The following CHLSN variants were observed in gnomAD, a reference collection of about 807,000 sequenced individuals.
The protein encoded by CHLSN is cholesin.
At chr7:1,067,121 C>A in the CHLSN span, among the ~76,000 whole-genome samples, 1 of 136,208 alleles carries the variant, frequency 7.3e-6, no homozygotes, top group Non-Finnish European at 1.6e-5. Context: ...CAGGAGTACA[C>A]CCCAGAGGTG....
the CHLSN span, among the ~76,000 whole-genome samples, chr7:1,099,105 G>A: frequency 1.9e-3 from 265 of 138,296 alleles, 1 homozygote; most frequent in African/African-American, 6.8e-3. Context: ...CTCCCCTTCC[G>A]GAGCCTCGCT....
the CHLSN span, among the ~76,000 whole-genome samples, chr7:1,131,533 T>G: frequency 6.6e-6 from 1 of 152,248 alleles, no homozygotes; most frequent in East Asian, 1.9e-4. Context: ...CCAAGCCCCT[T>G]ATTCTTTAAT....
At chr7:1,048,196 GAC>G in the CHLSN span, among the ~76,000 whole-genome samples, 1 of 152,188 alleles carries the variant, frequency 6.6e-6, no homozygotes, top group African/African-American at 2.4e-5. Flanking sequence ...ATCCGCAAAA[GAC>G]AGTGTGAAAG....
At chr7:998,457 C>CTT in the CHLSN span, among the ~76,000 whole-genome samples, 4,609 of 94,932 alleles carry the variant, frequency 0.049, 206 homozygotes, top group African/African-American at 0.054. Context: ...GTCTTAGATT[C>CTT]TTTTTTTTTT....
the CHLSN span, among the ~76,000 whole-genome samples, chr7:1,031,178 C>T: frequency 3.3e-5 from 5 of 152,208 alleles, no homozygotes; most frequent in South Asian, 2.1e-4. Context: ...CACGGGATGC[C>T]GTTCCACACG....
At chr7:995,580 T>A in the CHLSN span, among the ~76,000 whole-genome samples, 1 of 152,216 alleles carries the variant, frequency 6.6e-6, no homozygotes, top group Non-Finnish European at 1.5e-5. Context: ...GCTGTTTGTT[T>A]AAGGTGCCTC....
At chr7:1,028,499 G>C in the CHLSN span, 1 of 985,558 alleles carries the variant, frequency 1.0e-6, no homozygotes, top group South Asian at 4.7e-5. Flanking sequence ...CGCTGAGAAG[G>C]CGGGGGTGGA....
the CHLSN span, among the ~76,000 whole-genome samples, chr7:1,111,028 A>G: frequency 6.6e-6 from 1 of 152,208 alleles, no homozygotes; most frequent in Non-Finnish European, 1.5e-5. Context: ...GTGAGCCGGG[A>G]TCGCACCAGG....
the CHLSN span, chr7:997,792 G>C: frequency 6.2e-7 from 1 of 1,605,148 alleles, no homozygotes; most frequent in East Asian, 2.3e-5. Flanking sequence ...GTGGAGAAGT[G>C]CTCATCGGGA....
At chr7:1,001,829 C>T in the CHLSN span, among the ~76,000 whole-genome samples, 1 of 89,664 alleles carries the variant, frequency 1.1e-5, no homozygotes, top group Non-Finnish European at 2.1e-5. Context: ...GTGTGGAGCC[C>T]TGTGGGTGGG....
chr7:1,094,924 C>G, the CHLSN span, among the ~76,000 whole-genome samples: 1 of 152,158 alleles, frequency 6.6e-6, no homozygotes, highest in Non-Finnish European at 1.5e-5. Flanking sequence ...ATCAGGATTG[C>G]TTTCCTCATA....
At chr7:1,135,109 A>G in the CHLSN span, among the ~76,000 whole-genome samples, 1 of 152,142 alleles carries the variant, frequency 6.6e-6, no homozygotes, top group Non-Finnish European at 1.5e-5. Context: ...TCCAGCACAG[A>G]CAGCAGAACT....
the CHLSN span, among the ~76,000 whole-genome samples, chr7:1,123,499 T>C: frequency 6.6e-6 from 1 of 151,846 alleles, no homozygotes; most frequent in African/African-American, 2.4e-5. The surrounding 1 kb of genome is among the most constrained non-coding windows in gnomAD (Gnocchi z 4.4). Flanking sequence ...AGCGCAGTAC[T>C]TTTCCACACG....
the CHLSN span, among the ~76,000 whole-genome samples, chr7:1,136,597 CAT>C: frequency 1.4e-4 from 20 of 139,304 alleles, no homozygotes; most frequent in Middle Eastern, 4.6e-3. Flanking sequence ...CATATATAAA[CAT>C]ATATAAATAT....
At chr7:1,073,590 C>T in the CHLSN span, among the ~76,000 whole-genome samples, 1 of 152,092 alleles carries the variant, frequency 6.6e-6, no homozygotes. Context: ...ACAGAAGCTC[C>T]GTGGAGAAAG....
At chr7:1,111,253 TA>T in the CHLSN span, among the ~76,000 whole-genome samples, 1 of 152,214 alleles carries the variant, frequency 6.6e-6, no homozygotes, top group African/African-American at 2.4e-5. Context: ...ATAAATAAAA[TA>T]AAGCAATCAC....
chr7:1,077,897 GC>G, the CHLSN span: 1 of 152,282 alleles, frequency 6.6e-6, no homozygotes. Context: ...GGAAGCAGCA[GC>G]CCCAGCGCGG....
the CHLSN span, among the ~76,000 whole-genome samples, chr7:1,036,918 G>A: frequency 0.02 from 3,012 of 147,784 alleles, 344 homozygotes; most frequent in East Asian, 0.19. Flanking sequence ...GAGACCGGCC[G>A]GGGCAGCATG....
chr7:1,052,957 T>C, the CHLSN span, among the ~76,000 whole-genome samples: 1 of 152,168 alleles, frequency 6.6e-6, no homozygotes, highest in African/African-American at 2.4e-5. This position sits in a 1 kb window ranked among gnomAD's most constrained non-coding sequence, Gnocchi z 4.2. Flanking sequence ...TCATCTGGGC[T>C]TTCTCTCCCA....
Sources: allele counts gnomAD v4.1 joint callset (sites outside exome capture counted in the v4.1 genomes callset), GRCh38; gene constraint gnomAD v4.1.1; non-coding constraint Gnocchi (gnomAD v3.1); transcripts MANE v1.5; gene names NCBI Gene and HGNC (gene_info 2026-07-23, HGNC 2026-07-21).